Variants in PTPRS observed in about 807,000 individuals in gnomAD.
PTPRS encodes the protein protein tyrosine phosphatase receptor type S.
A neutral mutation model predicts 215.3 loss-of-function variants in PTPRS; 63 were observed. That is an observed-to-expected ratio of 0.29 (90% CI 0.24 to 0.36). PTPRS has a LOEUF of 0.36. PTPRS is among the 10% of genes least tolerant of loss of function. PTPRS has a pLI of 1.00. For missense variants in PTPRS, 2,258 were observed against 2,825.8 expected, an observed-to-expected ratio of 0.80 and a Z score of 4.56; for synonymous variants, 1,404 against 1,191.4, an observed-to-expected ratio of 1.18 and a Z score of -3.68.
intron 1 of PTPRS, among the ~76,000 whole-genome samples, chr19:5,324,056 C>T (rs1409616313): frequency 6.6e-6 from 1 of 151,520 alleles, no homozygotes; most frequent in African/African-American, 2.4e-5. Context: ...ATGGTGAAAC[C>T]CCATCTCTAC....
At chr19:5,213,587 C>G (rs938738976) in intron 30 of PTPRS, among the ~76,000 whole-genome samples, 2 of 152,160 alleles carry the variant, frequency 1.3e-5, no homozygotes, top group Non-Finnish European at 2.9e-5. Flanking sequence ...AACGTTTTGT[C>G]TGTTTAGGTC....
chr19:5,244,397 A>G lies in PTPRS; in HGVS notation c.1074T>C (p.Asp358=). The G allele has an allele frequency of 3.1e-6, 5 of 1,614,018 alleles. No homozygotes were observed. The highest frequency in any genetic ancestry group is 4.2e-6 in the Non-Finnish European group (5 of 1,180,014). The stretch of plus-strand genomic sequence containing the variant: ...ATTCGATGACGTAATAGGACACAGG[A>G]TCTGGGTTGCCCGAGTCCCACGTGA... ...ITITWDSGNP[D]PVSYYVIEYK... The change falls in exon 11 of 38, where the codon GAT becomes GAC. Residue 358 remains aspartate (D), a synonymous_variant. Transcript: ENST00000262963. This position sits in a 1 kb window ranked among gnomAD's most constrained non-coding sequence, Gnocchi z 7.2.
chr19:5,216,821 C>T (rs2041513632), intron 25 of PTPRS, 54 bp from the exon 26 acceptor site: 1 of 1,167,130 alleles, frequency 8.6e-7, no homozygotes. Flanking sequence ...AGGGGGGGGT[C>T]CCACCTCTGC....
chr19:5,339,363 G>A lies in PTPRS; in HGVS notation c.-95+1301C>T, dbSNP rs570835805. 9.2e-5 allele frequency among the ~76,000 whole-genome samples: 14 copies of A among 152,196 alleles called. No individual in the cohort carries two copies. The highest frequency in any genetic ancestry group is 2.1e-4 in the Non-Finnish European group (14 of 68,006). ...TTGGAAGCTGCATATTTAGGGAGAC[G>A]AGAAGACGATTTGAGACTGGGGAAA... On this transcript the variant is annotated intron_variant, in intron 1 of 37. Coordinates refer to ENST00000262963, the MANE Select transcript of PTPRS (RefSeq NM_002850.4). The surrounding 1 kb of genome is among the most constrained non-coding windows in gnomAD (Gnocchi z 4.2).
At chr19:5,258,948 C>T (rs1462412973) in intron 7 of PTPRS, among the ~76,000 whole-genome samples, 2 of 152,160 alleles carry the variant, frequency 1.3e-5, no homozygotes, top group East Asian at 1.9e-4. Flanking sequence ...CTGGTGCTCA[C>T]GAGTAACTGA....
chr19:5,333,035 G>A (rs192020928), intron 1 of PTPRS, among the ~76,000 whole-genome samples: 1 of 152,156 alleles, frequency 6.6e-6, no homozygotes, highest in Admixed American at 6.6e-5. Context: ...TGTAATCCCA[G>A]CTACTCGGGA....
intron 4 of PTPRS, among the ~76,000 whole-genome samples, chr19:5,265,597 C>T (rs2046343248): frequency 6.6e-6 from 1 of 151,908 alleles, no homozygotes; most frequent in South Asian, 2.1e-4. Context: ...CCACTTCTGC[C>T]TCCCAAAGCA....
intron 17 of PTPRS, among the ~76,000 whole-genome samples, chr19:5,225,246 TAAC>T (rs1414235285): frequency 4.0e-5 from 6 of 151,566 alleles, no homozygotes; most frequent in African/African-American, 1.2e-4. Flanking sequence ...CACCCTGAAA[TAAC>T]AACCTAGCCG....
chr19:5,268,365 C>T (rs10410224), intron 4 of PTPRS, among the ~76,000 whole-genome samples: 138,228 of 151,960 alleles, frequency 0.91, 63,058 homozygotes, highest in African/African-American at 0.97. Context: ...TGCTTCCTGG[C>T]GTAGACAATG....
chr19:5,322,898 A>AGAAG (rs1555810352), intron 1 of PTPRS, among the ~76,000 whole-genome samples: 2 of 120,344 alleles, frequency 1.7e-5, no homozygotes, highest in Non-Finnish European at 3.5e-5. Context: ...AAAAAAAAAA[A>AGAAG]AAGAAGAAGA....
intron 28 of PTPRS, among the ~76,000 whole-genome samples, chr19:5,214,964 C>CA (rs1177679248): frequency 1.8e-4 from 28 of 152,382 alleles, no homozygotes; most frequent in African/African-American, 6.7e-4. Context: ...TGAGCAGCAT[C>CA]CCTGGCCTCC....
chr19:5,297,120 C>A (rs936830686), intron 1 of PTPRS, among the ~76,000 whole-genome samples: 1 of 152,146 alleles, frequency 6.6e-6, no homozygotes, highest in Non-Finnish European at 1.5e-5. Context: ...CCCTTGGGGG[C>A]TGACCCCTGG....
Position 5,287,304 on chromosome 19 carries a change from T to G in PTPRS, c.-94-1070A>C, listed in dbSNP as rs2146904034. ...ACATTCTACATCCCGGAGCATCAGATATGACTAAGGTTATCCTCCGTGGTA... is the reference window on the plus strand; with the variant it reads ...ACATTCTACATCCCGGAGCATCAGAGATGACTAAGGTTATCCTCCGTGGTA... On this transcript the variant is annotated intron_variant, in intron 1 of 37. Coordinates refer to ENST00000262963, the MANE Select transcript of PTPRS (RefSeq NM_002850.4). The surrounding 1 kb of genome is among the most constrained non-coding windows in gnomAD (Gnocchi z 4.8). Among the ~76,000 whole-genome samples, 1 of 152,314 alleles carries G rather than the reference T, an allele frequency of 6.6e-6. No homozygotes were observed. The highest frequency in any genetic ancestry group is 2.1e-4 in the South Asian group (1 of 4,822).
chr19:5,310,636 G>C (rs1245484597), intron 1 of PTPRS, among the ~76,000 whole-genome samples: 2 of 151,920 alleles, frequency 1.3e-5, no homozygotes, highest in Non-Finnish European at 2.9e-5. Context: ...TTTTCTTAAA[G>C]GCATGGCATA....
chr19:5,275,460 C>T (rs538820580), intron 2 of PTPRS, among the ~76,000 whole-genome samples: 10 of 149,076 alleles, frequency 6.7e-5, no homozygotes, highest in Non-Finnish European at 1.3e-4. Flanking sequence ...GGTCTTGGCT[C>T]ACTGCAGCCT....
intron 20 of PTPRS, 103 bp downstream of exon 20, chr19:5,220,897 A>C (rs925570267): frequency 1.4e-6 from 2 of 1,380,740 alleles, no homozygotes; most frequent in Non-Finnish European, 2.0e-6. Context: ...TCTGTGTTTC[A>C]TAGGCAAGGA....
At chr19:5,274,485 A>C in intron 2 of PTPRS, 141 bp from the exon 3 acceptor site, 1 of 1,099,350 alleles carries the variant, frequency 9.1e-7, no homozygotes, top group South Asian at 1.7e-5. Context: ...GAGGAAAGCA[A>C]GGATGACAAC....
rs2050070343 is a variant in PTPRS at position 5,322,911 on chromosome 19, A to G, written c.-95+17753T>C. On this transcript the variant is annotated intron_variant, in intron 1 of 37. Coordinates refer to ENST00000262963, the MANE Select transcript of PTPRS (RefSeq NM_002850.4). ...AAAAAAAAAAAAAAAGAAGAAGAAG[A>G]AGAAGAAAAAGAAAAAACAGACCTC... is the stretch of plus-strand genomic sequence containing the variant. Among the ~76,000 whole-genome samples, 3 of 149,998 alleles carry G rather than the reference A, an allele frequency of 2.0e-5. No individual in the cohort carries two copies. The South Asian group carries it at 6.4e-4, about 32-fold the overall frequency.
At chr19:5,216,002 G>A (rs953194582) in intron 26 of PTPRS, among the ~76,000 whole-genome samples, 4 of 152,172 alleles carry the variant, frequency 2.6e-5, no homozygotes, top group Non-Finnish European at 4.4e-5. Context: ...AGACGCAGCC[G>A]GCTGTGCTTT....
Sources: allele counts gnomAD v4.1 joint callset (sites outside exome capture counted in the v4.1 genomes callset), GRCh38; gene constraint gnomAD v4.1.1; non-coding constraint Gnocchi (gnomAD v3.1); transcripts MANE v1.5; gene names NCBI Gene and HGNC (gene_info 2026-07-23, HGNC 2026-07-21).